Variants in CSMD1 observed in about 807,000 individuals in gnomAD.
CSMD1 encodes the protein CUB and Sushi multiple domains 1.
CSMD1 carries 213 observed loss-of-function variants against 417.5 expected under a neutral mutation model. That is an observed-to-expected ratio of 0.51 (90% CI 0.46 to 0.57). The LOEUF (loss-of-function observed/expected upper bound fraction) is 0.57. Ranked by LOEUF, CSMD1 falls within the 20% of genes least tolerant of loss-of-function variation. The probability of loss-of-function intolerance (pLI) is 0.00; values close to 1 mark genes in which losing one functional copy is unlikely to be tolerated. For missense variants in CSMD1, 6,923 were observed against 4,529.7 expected (o/e 1.53, Z -15.17); for synonymous variants, 2,862 against 1,736.8 (o/e 1.65, Z -16.11).
Position 4,357,520 on chromosome 8 carries a change from A to G in CSMD1, c.415+62433T>C, listed in dbSNP as rs749964566. On this transcript the variant is annotated intron_variant, in intron 3 of 69. Coordinates refer to ENST00000635120, the MANE Select transcript of CSMD1 (RefSeq NM_033225.6). ...TTATCCACAGTTCCTCTGCACTACC[A>G]TCTCTAAGTAAGTTGGAAATGCACA... Among the ~76,000 whole-genome samples the G allele has an allele frequency of 6.1e-4, 93 of 152,304 alleles. 1 individual carries two copies. Among genetic ancestry groups the G allele is most frequent in the Middle Eastern group, 3.4e-3 (1 of 294 alleles).
At chr8:4,418,920 A>C (rs1461903555) in intron 3 of CSMD1, among the ~76,000 whole-genome samples, 1 of 152,160 alleles carries the variant, frequency 6.6e-6, no homozygotes, top group Non-Finnish European at 1.5e-5. Context: ...TTCCACACGT[A>C]ACTTTAAGCA....
chr8:3,032,736 C>T (rs889024322), intron 50 of CSMD1, among the ~76,000 whole-genome samples: 7 of 152,028 alleles, frequency 4.6e-5, no homozygotes, highest in African/African-American at 1.7e-4. Flanking sequence ...ACCCCCCCAA[C>T]TCCCTATGTT....
chr8:4,359,546 T>C (rs1438343022), intron 3 of CSMD1, among the ~76,000 whole-genome samples: 1 of 152,228 alleles, frequency 6.6e-6, no homozygotes, highest in Admixed American at 6.5e-5. Flanking sequence ...TCCAATCCTC[T>C]TGCGCAGAAG....
intron 7 of CSMD1, among the ~76,000 whole-genome samples, chr8:3,673,300 C>T (rs1010328316): frequency 6.6e-6 from 1 of 152,126 alleles, no homozygotes; most frequent in Admixed American, 6.6e-5. Flanking sequence ...CCTCTACAAG[C>T]CTGCTTAACA....
At chr8:4,608,098 C>A (rs1405597458) in intron 2 of CSMD1, among the ~76,000 whole-genome samples, 1 of 152,162 alleles carries the variant, frequency 6.6e-6, no homozygotes, top group Non-Finnish European at 1.5e-5. Flanking sequence ...TCGAAACCAA[C>A]AACAAGGTGA....
rs1170751394 is a variant in CSMD1, at chr8:4,812,958, T to A, written c.86-175400A>T. ...GCATTTCTTGACAAAAATGTAAGAA[T>A]AAACAATTCCACAAAAATAGTCTTG... is the stretch of plus-strand genomic sequence containing the variant. On this transcript the variant is annotated intron_variant, in intron 1 of 69. Coordinates refer to ENST00000635120, the MANE Select transcript of CSMD1 (RefSeq NM_033225.6). Among the ~76,000 whole-genome samples, 2 of 152,190 alleles carry A rather than the reference T, an allele frequency of 1.3e-5. 1 individual carries two copies. Among genetic ancestry groups the A allele is most frequent in the Non-Finnish European group, 2.9e-5 (2 of 68,024 alleles).
chr8:4,425,899 T>C (rs544598442), intron 2 of CSMD1, among the ~76,000 whole-genome samples: 1 of 152,116 alleles, frequency 6.6e-6, no homozygotes, highest in Non-Finnish European at 1.5e-5. Flanking sequence ...CATATGTTAC[T>C]CCCTATCGTA....
intron 1 of CSMD1, among the ~76,000 whole-genome samples, chr8:4,694,398 C>T (rs1426953717): frequency 3.3e-5 from 5 of 152,054 alleles, no homozygotes; most frequent in Non-Finnish European, 7.4e-5. Context: ...GTCGCCCAGG[C>T]TAGAGTGCAG....
At chr8:3,797,891 T>C (rs1800245974) in intron 5 of CSMD1, among the ~76,000 whole-genome samples, 1 of 152,032 alleles carries the variant, frequency 6.6e-6, no homozygotes, top group Non-Finnish European at 1.5e-5. Context: ...AGCATGCAAG[T>C]TGTTACGCAT....
At chr8:3,563,659 G>C (rs140575389) in intron 10 of CSMD1, among the ~76,000 whole-genome samples, 1 of 152,100 alleles carries the variant, frequency 6.6e-6, no homozygotes, top group Non-Finnish European at 1.5e-5. Context: ...GGGAGGCTGA[G>C]GCGGGTGGAT....
At chr8:3,911,904 C>G (rs1278965748) in intron 5 of CSMD1, among the ~76,000 whole-genome samples, 1 of 152,224 alleles carries the variant, frequency 6.6e-6, no homozygotes, top group Non-Finnish European at 1.5e-5. Flanking sequence ...TTCTCACCAT[C>G]ATTTTCCAAA....
chr8:4,401,714 T>A (rs1057265110), intron 3 of CSMD1, among the ~76,000 whole-genome samples: 27 of 152,248 alleles, frequency 1.8e-4, no homozygotes, highest in Middle Eastern at 3.4e-3. Flanking sequence ...CCTCCTTCTT[T>A]GAGAATTCCC....
At chr8:4,083,631 T>G (rs1585277811) in intron 3 of CSMD1, among the ~76,000 whole-genome samples, 1 of 152,152 alleles carries the variant, frequency 6.6e-6, no homozygotes, top group Non-Finnish European at 1.5e-5. Flanking sequence ...GAAAACTGGC[T>G]AGCCATATGT....
chr8:4,094,291 C>A (rs770533384), intron 3 of CSMD1, among the ~76,000 whole-genome samples: 2 of 151,990 alleles, frequency 1.3e-5, no homozygotes, highest in African/African-American at 4.8e-5. Flanking sequence ...CGGTAGGGAA[C>A]AAGGAGAAGA....
intron 1 of CSMD1, among the ~76,000 whole-genome samples, chr8:4,685,802 G>C (rs1056258557): frequency 6.6e-6 from 1 of 152,112 alleles, no homozygotes; most frequent in African/African-American, 2.4e-5. Context: ...AAAGTAATTG[G>C]AGTTTTTGCC....
chr8:4,094,542 G>A (rs968540310), intron 3 of CSMD1, among the ~76,000 whole-genome samples: 14 of 152,188 alleles, frequency 9.2e-5, no homozygotes, highest in African/African-American at 3.4e-4. Flanking sequence ...TAGCTTCAGT[G>A]GGAGATTCTT....
At position 4,242,910 on chromosome 8, in the gene CSMD1, T is replaced by C. The variant is rs1003521552; in HGVS notation, c.415+177043A>G. Among the ~76,000 whole-genome samples, 5 of 152,292 alleles carry C rather than the reference T, an allele frequency of 3.3e-5. No homozygotes were observed. In the East Asian group the frequency reaches 9.6e-4, roughly 29 times the overall value. On this transcript the variant is annotated intron_variant, in intron 3 of 69. Transcript: ENST00000635120. ...GTCATTAAAATGTATGTTCTAAAAC[T>C]TTTTCTGACCCAGAAAAAAAGATCA...
At chr8:3,741,234 A>AAAC (rs1554527952) in intron 6 of CSMD1, among the ~76,000 whole-genome samples, 4 of 148,282 alleles carry the variant, frequency 2.7e-5, no homozygotes, top group African/African-American at 7.4e-5. Flanking sequence ...AAAAAAAAAA[A>AAAC]AAAAAAACAT....
intron 3 of CSMD1, among the ~76,000 whole-genome samples, chr8:4,199,635 A>T (rs967328248): frequency 2.0e-4 from 31 of 152,194 alleles, no homozygotes; most frequent in African/African-American, 5.8e-4. Flanking sequence ...TTGCATAAAT[A>T]AAGACTTCAA....
Sources: gnomAD v4.1 joint callset for allele counts (sites outside exome capture counted in the v4.1 genomes callset) on GRCh38, gnomAD v4.1.1 for gene constraint, MANE v1.5 for transcripts, NCBI Gene and HGNC (gene_info 2026-07-23, HGNC 2026-07-21) for gene names.